Variants in DNAH6 observed in about 807,000 individuals in gnomAD.
DNAH6 encodes dynein axonemal heavy chain 6.
DNAH6 carries 340 observed loss-of-function variants against 491.4 expected under a neutral mutation model. The observed-to-expected ratio is 0.69, with a 90% confidence interval of 0.63 to 0.76. DNAH6 has a LOEUF of 0.76. DNAH6 is among the 30% of genes least tolerant of loss of function. The probability of loss-of-function intolerance (pLI) is 0.00; values close to 1 mark genes in which losing one functional copy is unlikely to be tolerated. For missense variants in DNAH6, 4,443 were observed against 4,972.2 expected, an observed-to-expected ratio of 0.89 and a Z score of 3.20; for synonymous variants, 1,603 against 1,686.1, an observed-to-expected ratio of 0.95 and a Z score of 1.21.
chr2:84,663,687 A>G (rs971239274), intron 37 of DNAH6, among the ~76,000 whole-genome samples: 1 of 152,222 alleles, frequency 6.6e-6, no homozygotes, highest in Non-Finnish European at 1.5e-5. Flanking sequence ...GATATTATCC[A>G]GGAGAACTTC....
intron 64 of DNAH6, chr2:84,777,578 T>C: frequency 1.3e-6 from 1 of 789,900 alleles, no homozygotes; most frequent in South Asian, 1.3e-5. Context: ...CCACTGTTAC[T>C]TATCTGTATC....
In DNAH6 at chr2:84,672,349, T is replaced by C; in HGVS notation, c.6477T>C (p.Ile2159=). The C allele has an allele frequency of 6.5e-7, 1 of 1,548,958 alleles. No homozygotes were observed. Among genetic ancestry groups the C allele is most frequent in the Non-Finnish European group, 8.7e-7 (1 of 1,145,882 alleles). The change falls in exon 40 of 77, where the codon ATT becomes ATC. Residue 2159 remains isoleucine, a synonymous_variant. Transcript: ENST00000389394. ...TAGGAGCACCGGGAAACAAACGAAT[T>C]GTGATTTTTGTTGATGATTTAAACA... ...NILGAPGNKR[I]VIFVDDLNMP...
chr2:84,476,744 G>C, the DNAH6 span, among the ~76,000 whole-genome samples: 122,984 of 152,168 alleles, frequency 0.81, 52,571 homozygotes, highest in Non-Finnish European at 0.93. Flanking sequence ...ATAGTCCCTC[G>C]TTCCGTGAAC....
chr2:84,637,325 C>T lies in DNAH6; in HGVS notation c.4769C>T (p.Ala1590Val), dbSNP rs1055628491. ...ACTGAATTGCCAGATAATTTGAAAG[C>T]CCTGTTTAGACCATTTGCGATGATG... is the stretch of plus-strand genomic sequence containing the variant. ...GRTELPDNLK[A>V]LFRPFAMMVP... is the part of the protein sequence containing the mutation. Residue 1590 changes from alanine to valine, a missense_variant, in exon 31 of 77, where the codon GCC (alanine) becomes GTC (valine). Ala to Val is a moderately conservative substitution (Grantham distance 64). Coordinates refer to ENST00000389394, the MANE Select transcript of DNAH6 (RefSeq NM_001370.2). 2 of 1,550,928 alleles carry T rather than the reference C, an allele frequency of 1.3e-6. No individual in the cohort carries two copies. The highest frequency in any genetic ancestry group is 2.7e-5 in the African/African-American group (2 of 73,006).
intron 11 of DNAH6, among the ~76,000 whole-genome samples, chr2:84,571,120 G>A (rs1458184752): frequency 6.6e-6 from 1 of 152,186 alleles, no homozygotes; most frequent in Non-Finnish European, 1.5e-5. Context: ...AGTCCATGTT[G>A]TGAAATAATG....
chr2:84,640,537 C>T lies in DNAH6; in HGVS notation c.4929C>T (p.Asp1643=). ...AGCTGTCTCAGCAGGATCACTACGA[C>T]TTTGGCATGAGAGCTGTGAAGTCTG... ...SEQLSQQDHY[D]FGMRAVKSVL... is the part of the protein sequence containing the mutation. The change falls in exon 32 of 77, where the codon GAC becomes GAT. Residue 1643 remains aspartate (D), a synonymous_variant. Coordinates refer to ENST00000389394, the MANE Select transcript of DNAH6 (RefSeq NM_001370.2). 2.6e-6 allele frequency: 4 copies of T among 1,551,090 alleles called. No homozygotes were observed. In the African/African-American group the frequency reaches 5.5e-5, roughly 21 times the overall value.
At position 84,523,128 on chromosome 2, in the gene DNAH6, G is replaced by A. The variant is rs74846922; in HGVS notation, c.226-2437G>A. Among the ~76,000 whole-genome samples, 875 of 151,750 alleles carry A rather than the reference G, an allele frequency of 5.8e-3. 6 individuals are homozygous for A. Among genetic ancestry groups the A allele is most frequent in the African/African-American group, 0.019 (803 of 41,474 alleles). ...GGCTATTTATTACTGACTTGAGTTC[G>A]GAGCTCATTATTGGTCTGTTCAGAG... On this transcript the variant is annotated intron_variant, in intron 2 of 76. Coordinates refer to ENST00000389394, the MANE Select transcript of DNAH6 (RefSeq NM_001370.2).
At chr2:84,747,065 A>G (rs1301759076) in intron 63 of DNAH6, among the ~76,000 whole-genome samples, 3 of 152,154 alleles carry the variant, frequency 2.0e-5, no homozygotes, top group Non-Finnish European at 1.5e-5. Flanking sequence ...AATATTGGGG[A>G]TCACATTTCG....
intron 70 of DNAH6, among the ~76,000 whole-genome samples, chr2:84,799,769 G>A (rs1678708967): frequency 6.6e-6 from 1 of 152,192 alleles, no homozygotes; most frequent in Non-Finnish European, 1.5e-5. Context: ...GGAAATGGGG[G>A]TGTGATGCCA....
In DNAH6 at chr2:84,634,514, G is replaced by T. The variant is rs185075586; in HGVS notation, c.4526G>T (p.Arg1509Leu). 2 of 1,538,858 alleles carry T rather than the reference G, an allele frequency of 1.3e-6. No homozygotes were observed. The highest frequency in any genetic ancestry group is 5.0e-5 in the East Asian group (2 of 40,400). ...SDGLDYKMMG[R>L]FFSGLAQSGA... ...TTATTTTGATTTCAGATGATGGGGC[G>T]CTTCTTCAGTGGCTTGGCACAGTCA... is the stretch of plus-strand genomic sequence containing the variant. The change falls in exon 30 of 77, where the codon CGC (arginine) becomes CTC (leucine). Residue 1509 changes from arginine (R) to leucine (L), a missense_variant. Physicochemically the swap from Arg to Leu is moderately radical, Grantham distance 102. Around this residue, in one of 3 missense-constraint regions of DNAH6, gnomAD observed 2,977 missense variants for 3,296.6 expected, o/e 0.90. Transcript: ENST00000389394.
chr2:84,553,588 G>T (rs1340609599), intron 10 of DNAH6, among the ~76,000 whole-genome samples: 1 of 146,380 alleles, frequency 6.8e-6, no homozygotes, highest in Non-Finnish European at 1.5e-5. Flanking sequence ...TCAGCCTCCT[G>T]AGTAGCTGGG....
At chr2:84,528,807 C>A (rs1322802027) in intron 3 of DNAH6, 97 bp from the exon 4 acceptor site, 5 of 1,198,664 alleles carry the variant, frequency 4.2e-6, no homozygotes, top group Non-Finnish European at 5.7e-6. Flanking sequence ...ACATCTCATG[C>A]AATATGGCAA....
At chr2:84,702,680 C>T (rs1446464780) in intron 49 of DNAH6, among the ~76,000 whole-genome samples, 2 of 151,692 alleles carry the variant, frequency 1.3e-5, no homozygotes, top group Non-Finnish European at 2.9e-5. Flanking sequence ...GTAGCTGGGA[C>T]TATAGTCAAC....
At chr2:84,710,868 G>A (rs1340516428) in intron 56 of DNAH6, among the ~76,000 whole-genome samples, 1 of 151,836 alleles carries the variant, frequency 6.6e-6, no homozygotes, top group Non-Finnish European at 1.5e-5. Flanking sequence ...AAAAAAAGAA[G>A]AAGAGGAAGA....
chr2:84,511,624 C>G (rs946175488), upstream of DNAH6, among the ~76,000 whole-genome samples: 16 of 152,198 alleles, frequency 1.1e-4, no homozygotes, highest in Admixed American at 7.9e-4. Flanking sequence ...AACCCAGTAC[C>G]TCAGTTGGAA....
intron 64 of DNAH6, among the ~76,000 whole-genome samples, chr2:84,767,621 T>C (rs1038844649): frequency 1.3e-5 from 2 of 152,018 alleles, no homozygotes; most frequent in African/African-American, 4.8e-5. Context: ...ATTTGATGAA[T>C]TGAAAGTATG....
At chr2:84,572,731 T>C (rs1276496566) in intron 11 of DNAH6, among the ~76,000 whole-genome samples, 1 of 152,202 alleles carries the variant, frequency 6.6e-6, no homozygotes, top group African/African-American at 2.4e-5. Flanking sequence ...CTGGGACAAA[T>C]TGCAGACTTT....
In DNAH6 at chr2:84,718,263, G is replaced by T. The variant is rs1290755282; in HGVS notation, c.9671G>T (p.Arg3224Met). The T allele has an allele frequency of 6.5e-7, 1 of 1,548,576 alleles. No homozygotes were observed. Among genetic ancestry groups the T allele is most frequent in the Non-Finnish European group, 8.7e-7 (1 of 1,146,002 alleles). Residue 3224 changes from arginine (R) to methionine (M), a missense_variant, in exon 59 of 77, where the codon AGG (arginine) becomes ATG (methionine). This residue lies in a region of DNAH6 where 1,463 missense variants were observed against 1,656.6 expected (regional missense o/e 0.88). Transcript: ENST00000389394. Reference protein sequence around the residue: ...LEEQRIKLIVRINTDKNQLKT... With the variant: ...LEEQRIKLIVMINTDKNQLKT... ...GAACAAAGAATTAAGCTCATCGTGAGGATCAACACTGATAAAAACCAGTTG... is the reference window on the plus strand; with the variant it reads ...GAACAAAGAATTAAGCTCATCGTGATGATCAACACTGATAAAAACCAGTTG...
In DNAH6 at chr2:84,787,224, A is replaced by C. The variant is rs773834479; in HGVS notation, c.11161A>C (p.Arg3721=). Reference sequence around the variant, plus strand: ...CTGCTATGAATTTAATGACAGTGACAGGGAATGTGCTTTACTGAATCTCAA... The same window carrying C: ...CTGCTATGAATTTAATGACAGTGACCGGGAATGTGCTTTACTGAATCTCAA... ...NICYEFNDSD[R]ECALLNLKLY... is the part of the protein sequence containing the mutation. Residue 3721 remains arginine, a synonymous_variant, in exon 68 of 77, where the codon AGG becomes CGG. Coordinates refer to ENST00000389394, the MANE Select transcript of DNAH6 (RefSeq NM_001370.2). 1.2e-5 allele frequency: 18 copies of C among 1,543,342 alleles called. No individual in the cohort carries two copies. The South Asian group carries it at 1.8e-4, about 15-fold the overall frequency.
Sources: allele counts gnomAD v4.1 joint callset (sites outside exome capture counted in the v4.1 genomes callset), GRCh38; gene constraint gnomAD v4.1.1; regional missense constraint gnomAD v4.1.1; transcripts MANE v1.5; gene names NCBI Gene and HGNC (gene_info 2026-07-23, HGNC 2026-07-21).